ULBP2: variants seen among roughly 807,000 people sequenced by gnomAD.
ULBP2 encodes UL16 binding protein 2, also known as UL16-binding protein 2.
A neutral mutation model predicts 23.6 loss-of-function variants in ULBP2; 21 were observed. The observed-to-expected ratio is 0.89, with a 90% CI of 0.63 to 1.28. ULBP2 has a LOEUF of 1.28. Ranked by LOEUF, ULBP2 falls within the 50% of genes most tolerant of loss-of-function variation. The pLI, the probability that ULBP2 is intolerant of heterozygous loss-of-function variation, is 0.00. For synonymous variants in ULBP2, 82 were observed against 112.8 expected, an observed-to-expected ratio of 0.73 and a Z score of 1.73; for missense variants, 251 against 306.0, an observed-to-expected ratio of 0.82 and a Z score of 1.34.
At chr6:149,945,940 C>CAAAAAAA (rs57354290) in intron 2 of ULBP2, among the ~76,000 whole-genome samples, 3 of 72,716 alleles carry the variant, frequency 4.1e-5, no homozygotes, top group African/African-American at 6.0e-5. Context: ...GACTTTGTCT[C>CAAAAAAA]AAAAAAAAAA....
intron 2 of ULBP2, 98 bp from the exon 3 acceptor site, chr6:149,946,274 A>G (rs1047011240): frequency 6.8e-5 from 99 of 1,446,940 alleles, no homozygotes; most frequent in Non-Finnish European, 9.0e-5. Context: ...CAAGGCCAAG[A>G]TGTAGCAGAG....
At position 149,942,076 on chromosome 6, in the gene ULBP2, G is replaced by A. The variant is rs375646239; in HGVS notation, c.4G>A (p.Ala2Thr). Residue 2 changes from alanine (A) to threonine (T), a missense_variant, in exon 1 of 5, where the codon GCA (alanine) becomes ACA (threonine). This residue lies in a region of ULBP2 where 248 missense variants were observed against 258.9 expected (regional missense o/e 0.96). Coordinates refer to ENST00000367351, the MANE Select transcript of ULBP2 (RefSeq NM_025217.4). M[A>T]AAAATKILLC... ...TCCCTAGCGCTCTGGGTCCTTAATGGCAGCAGCCGCCGCTACCAAGATCCT... is the reference window on the plus strand; with the variant it reads ...TCCCTAGCGCTCTGGGTCCTTAATGACAGCAGCCGCCGCTACCAAGATCCT... The A allele has an allele frequency of 8.7e-6, 14 of 1,611,408 alleles. No individual in the cohort carries two copies. The highest frequency in any genetic ancestry group is 1.2e-5 in the Non-Finnish European group (14 of 1,179,284).
chr6:149,944,131 T>A (rs1778902358), intron 1 of ULBP2, among the ~76,000 whole-genome samples: 1 of 152,118 alleles, frequency 6.6e-6, no homozygotes, highest in Admixed American at 6.5e-5. Flanking sequence ...TAGAAACTGG[T>A]GTCTTCTTCT....
intron 3 of ULBP2, 169 bp downstream of exon 3, chr6:149,946,822 C>T (rs903254824): frequency 3.4e-5 from 39 of 1,147,116 alleles, no homozygotes; most frequent in Non-Finnish European, 4.4e-5. Flanking sequence ...GCTCTCCCAC[C>T]GTCCTCTTCC....
chr6:149,945,074 G>T (rs1271755083), intron 1 of ULBP2, among the ~76,000 whole-genome samples: 1 of 151,466 alleles, frequency 6.6e-6, no homozygotes, highest in Non-Finnish European at 1.5e-5. Context: ...AGTGGGACAT[G>T]TCTGGGGACA....
In ULBP2 at chr6:149,942,159, T is replaced by A; in HGVS notation, c.85+2T>A. Reference sequence around the variant, plus strand: ...GCTGGTCCCGGGCTGGGCGAGCCGGTGAGTTCGTGGATGGAGCCTAAGCCG... The same window carrying A: ...GCTGGTCCCGGGCTGGGCGAGCCGGAGAGTTCGTGGATGGAGCCTAAGCCG... On this transcript the variant is annotated splice_donor_variant, in intron 1 of 4. Coordinates refer to ENST00000367351, the MANE Select transcript of ULBP2 (RefSeq NM_025217.4). LOFTEE classifies it high-confidence loss of function. 1 of 1,612,716 alleles carries A rather than the reference T, an allele frequency of 6.2e-7. No individual in the cohort carries two copies. Among genetic ancestry groups the A allele is most frequent in the Non-Finnish European group, 8.5e-7 (1 of 1,179,574 alleles).
chr6:149,948,609 A>AC (rs1203684973), intron 4 of ULBP2, 114 bp from the exon 5 acceptor site: 5 of 451,352 alleles, frequency 1.1e-5, no homozygotes, highest in African/African-American at 1.0e-4. Flanking sequence ...CAAGGGAAAA[A>AC]TAGGTCCCTT....
Position 149,946,473 on chromosome 6 carries a change from T to G in ULBP2, c.451T>G (p.Phe151Val), listed in dbSNP as rs1174045595. 6.2e-7 allele frequency: 1 copy of G among 1,614,142 alleles called. No homozygotes were observed. ...FSFDGQIFLL[F>V]DSEKRMWTTV... ...TTTCGATGGGCAGATCTTCCTCCTC[T>G]TTGACTCAGAGAAGAGAATGTGGAC... The change falls in exon 3 of 5, where the codon TTT (phenylalanine) becomes GTT (valine). Residue 151 changes from phenylalanine (F) to valine (V), a missense_variant. By Grantham distance (50) the Phe-to-Val change is conservative. Around this residue, in one of 2 missense-constraint regions of ULBP2, gnomAD observed 248 missense variants for 258.9 expected, o/e 0.96. Coordinates refer to ENST00000367351, the MANE Select transcript of ULBP2 (RefSeq NM_025217.4).
chr6:149,945,678 C>T, intron 2 of ULBP2, 106 bp downstream of exon 2: 1 of 1,597,072 alleles, frequency 6.3e-7, no homozygotes, highest in South Asian at 1.1e-5. Flanking sequence ...CACGGTGGCT[C>T]ACGCCTGTAG....
At chr6:149,948,405 C>T (rs574441367) in intron 4 of ULBP2, among the ~76,000 whole-genome samples, 5 of 152,148 alleles carry the variant, frequency 3.3e-5, no homozygotes, top group Non-Finnish European at 7.3e-5. Flanking sequence ...CTGCCCCACC[C>T]CTTGCCTGTT....
intron 1 of ULBP2, among the ~76,000 whole-genome samples, chr6:149,942,680 G>A (rs1040108914): frequency 2.6e-5 from 4 of 152,020 alleles, no homozygotes; most frequent in Non-Finnish European, 4.4e-5. Flanking sequence ...TGCACCCAGG[G>A]GCTCAGCAGA....
In ULBP2 at chr6:149,945,442, T is replaced by C. The variant is rs1555697; in HGVS notation, c.219T>C (p.Pro73=). The change falls in exon 2 of 5, where the codon CCT becomes CCC. Residue 73 remains proline (P), a synonymous_variant. Transcript: ENST00000367351. ...HYDCGNKTVT[P]VSPLGKKLNV... is the part of the protein sequence containing the mutation. ...ACTGTGGCAACAAGACAGTCACACC[T>C]GTCAGTCCCCTGGGGAAGAAACTAA... 0.034 allele frequency: 44,562 copies of C among 1,318,388 alleles called. 365 individuals carry two copies. The highest frequency in any genetic ancestry group is 0.12 in the African/African-American group (7,055 of 58,488). The allele number at this position is 1,318,388 out of a possible 1,614,324, so 81.7% of individuals were successfully genotyped here.
intron 3 of ULBP2, among the ~76,000 whole-genome samples, 166 bp from the exon 4 acceptor site, chr6:149,947,154 C>T (rs979079916): frequency 2.0e-5 from 3 of 152,086 alleles, no homozygotes; most frequent in South Asian, 2.1e-4. Context: ...AGACTCACCC[C>T]GTCTCCCTTC....
rs147355588 is a variant in ULBP2 at position 149,943,903 on chromosome 6, G to C, written c.86-1406G>C. Among the ~76,000 whole-genome samples, 34 of 152,032 alleles carry C rather than the reference G, an allele frequency of 2.2e-4. 1 individual carries two copies. Among genetic ancestry groups the C allele is most frequent in the African/African-American group, 7.3e-4 (30 of 41,298 alleles). On this transcript the variant is annotated intron_variant, in intron 1 of 4. Transcript: ENST00000367351. ...GGGTCTTGGGTCATTGGGCACTTAA[G>C]GTAGGTCCAGCCTCGCTCATCATGC... is the stretch of plus-strand genomic sequence containing the variant.
intron 4 of ULBP2, among the ~76,000 whole-genome samples, chr6:149,947,854 G>T (rs1412858266): frequency 1.3e-5 from 2 of 151,974 alleles, no homozygotes; most frequent in Non-Finnish European, 2.9e-5. Flanking sequence ...TTTACATGAG[G>T]TGTGACAGGG....
At chr6:149,947,140 G>A (rs1778955172) in intron 3 of ULBP2, among the ~76,000 whole-genome samples, 180 bp from the exon 4 acceptor site, 1 of 151,830 alleles carries the variant, frequency 6.6e-6, no homozygotes, top group African/African-American at 2.4e-5. Context: ...GCTCCCTGAG[G>A]ACAAGACTCA....
chr6:149,944,534 C>G (rs1582813211), intron 1 of ULBP2, among the ~76,000 whole-genome samples: 1 of 139,042 alleles, frequency 7.2e-6, no homozygotes, highest in East Asian at 2.1e-4. Context: ...CAGCAATAGG[C>G]ATCCCTAAGC....
chr6:149,945,218 C>A, intron 1 of ULBP2, 91 bp from the exon 2 acceptor site: 1 of 1,478,944 alleles, frequency 6.8e-7, no homozygotes. Context: ...GCCCAGCCTG[C>A]CAGAGGCATC....
intron 1 of ULBP2, among the ~76,000 whole-genome samples, chr6:149,943,733 G>A (rs1778897719): frequency 6.6e-6 from 1 of 151,480 alleles, no homozygotes; most frequent in Non-Finnish European, 1.5e-5. Flanking sequence ...CTCTGCCAAG[G>A]TGCAGTACTC....
Sources: allele counts gnomAD v4.1 joint callset (sites outside exome capture counted in the v4.1 genomes callset), GRCh38; gene constraint gnomAD v4.1.1; regional missense constraint gnomAD v4.1.1; transcripts MANE v1.5; gene names NCBI Gene and HGNC (gene_info 2026-07-23, HGNC 2026-07-21).